PDE10A: variants seen among roughly 807,000 people sequenced by gnomAD.
PDE10A encodes phosphodiesterase 10A, also known as cAMP and cAMP-inhibited cGMP 3',5'-cyclic phosphodiesterase 10A.
A neutral mutation model predicts 97.7 loss-of-function variants in PDE10A; 39 were observed. The observed-to-expected ratio is 0.40, with a 90% CI of 0.31 to 0.52. The LOEUF (loss-of-function observed/expected upper bound fraction) is 0.52, where lower values mean the gene tolerates loss of function less well. Ranked by LOEUF, PDE10A falls within the 20% of genes least tolerant of loss-of-function variation. The probability of loss-of-function intolerance (pLI) is 0.56; values close to 1 mark genes in which losing one functional copy is unlikely to be tolerated. For synonymous variants in PDE10A, 371 were observed against 376.8 expected (o/e 0.98, Z 0.18); for missense variants, 731 against 1,047.8 (o/e 0.70, Z 4.17).
chr6:165,826,373 T>TC (rs1382360831), intron 1 of PDE10A, among the ~76,000 whole-genome samples: 2 of 131,634 alleles, frequency 1.5e-5, no homozygotes, highest in African/African-American at 5.1e-5. Flanking sequence ...TGTCCTTGCA[T>TC]CCCTCTGTCC....
chr6:165,506,021 G>T (rs1781170302), intron 2 of PDE10A, among the ~76,000 whole-genome samples: 1 of 152,024 alleles, frequency 6.6e-6, no homozygotes, highest in African/African-American at 2.4e-5. Context: ...ACTCTACACT[G>T]CCTCCACTCA....
intron 1 of PDE10A, among the ~76,000 whole-genome samples, chr6:165,742,690 G>A (rs922480504): frequency 6.6e-6 from 1 of 152,244 alleles, no homozygotes; most frequent in Non-Finnish European, 1.5e-5. Flanking sequence ...AGGTGAGCAC[G>A]ACAGTTCTCA....
intron 17 of PDE10A, among the ~76,000 whole-genome samples, chr6:165,381,281 G>T (rs1784906768): frequency 6.6e-6 from 1 of 152,114 alleles, no homozygotes; most frequent in Non-Finnish European, 1.5e-5. Flanking sequence ...CTGTCCCAAA[G>T]CAAGTTAAGA....
intron 1 of PDE10A, among the ~76,000 whole-genome samples, chr6:165,974,544 G>A (rs1232808531): frequency 6.6e-6 from 1 of 152,202 alleles, no homozygotes; most frequent in African/African-American, 2.4e-5. Flanking sequence ...GGGAGTTCTG[G>A]AAGAGAAGAT....
intron 1 of PDE10A, among the ~76,000 whole-genome samples, chr6:165,770,311 TA>T (rs199644411): frequency 1.1e-4 from 17 of 150,654 alleles, no homozygotes; most frequent in African/African-American, 2.7e-4. Flanking sequence ...AACATCTTTT[TA>T]AAAAAAAAGA....
chr6:165,457,478 A>T (rs1335697096), intron 3 of PDE10A, among the ~76,000 whole-genome samples: 1 of 152,208 alleles, frequency 6.6e-6, no homozygotes, highest in Non-Finnish European at 1.5e-5. Context: ...CACAAAGATA[A>T]GACCTGAACG....
rs190362728 is a variant in PDE10A at position 165,467,035 on chromosome 6, T to C, written c.1023+15280A>G. Among the ~76,000 whole-genome samples the C allele has an allele frequency of 2.4e-3, 369 of 152,274 alleles. 1 individual carries two copies. Among genetic ancestry groups the C allele is most frequent in the African/African-American group, 7.7e-3 (322 of 41,572 alleles). ...ATTGCTAATATGGAGAAAGATTTGG[T>C]TGTCTGGATAGAAGATCAAACCAAC... is the stretch of plus-strand genomic sequence containing the variant. On this transcript the variant is annotated intron_variant, in intron 3 of 21. Coordinates refer to ENST00000539869, the MANE Select transcript of PDE10A (RefSeq NM_001385079.1).
chr6:165,854,684 G>T (rs1036284164), intron 1 of PDE10A, among the ~76,000 whole-genome samples: 3 of 152,198 alleles, frequency 2.0e-5, no homozygotes, highest in African/African-American at 7.2e-5. Flanking sequence ...TCTGAGGAGC[G>T]TAGGCCAAGC....
rs767332166 is a variant in PDE10A at position 165,943,341 on chromosome 6, G to GA, written c.-615+44187dup. 3.0e-4 allele frequency among the ~76,000 whole-genome samples: 31 copies of GA among 104,964 alleles called. 4 individuals carry two copies. Among genetic ancestry groups the GA allele is most frequent in the African/African-American group, 1.1e-3 (21 of 18,838 alleles). The allele number at this position is 104,964 out of a possible 152,430, so 68.9% of individuals were successfully genotyped here. ...AAGGAAAGAAAGAAAAAGAAAGAAA[G>GA]AAAAGAGAAAGAAAGAAAGAGAAAG... On this transcript the variant is annotated intron_variant, in intron 1 of 19. Coordinates refer to the PDE10A transcript ENST00000366882.
chr6:165,494,270 A>C (rs1780393413), intron 2 of PDE10A, among the ~76,000 whole-genome samples: 1 of 152,126 alleles, frequency 6.6e-6, no homozygotes, highest in African/African-American at 2.4e-5. Flanking sequence ...CGATTCCTTA[A>C]AGAACTAAAA....
chr6:165,814,369 G>A (rs1163059925), intron 1 of PDE10A, among the ~76,000 whole-genome samples: 1 of 152,102 alleles, frequency 6.6e-6, no homozygotes, highest in African/African-American at 2.4e-5. Flanking sequence ...CTCCACACAG[G>A]GCCATTATGA....
intron 1 of PDE10A, among the ~76,000 whole-genome samples, chr6:165,547,101 A>T (rs982148767): frequency 1.3e-5 from 2 of 152,170 alleles, no homozygotes; most frequent in Non-Finnish European, 2.9e-5. Context: ...TAAATCGCAC[A>T]GACAGACAAA....
intron 1 of PDE10A, among the ~76,000 whole-genome samples, chr6:165,814,978 T>C (rs1200153484): frequency 6.6e-6 from 1 of 152,116 alleles, no homozygotes; most frequent in African/African-American, 2.4e-5. Context: ...ACAATGAAAG[T>C]GGACTCTCTA....
chr6:165,734,164 G>A (rs1459744141), intron 1 of PDE10A, among the ~76,000 whole-genome samples: 2 of 152,164 alleles, frequency 1.3e-5, no homozygotes, highest in African/African-American at 4.8e-5. Context: ...TAAAGAAAAA[G>A]TGTTGATAAA....
At chr6:165,688,747 T>C (rs543390399) in intron 1 of PDE10A, among the ~76,000 whole-genome samples, 119 of 152,188 alleles carry the variant, frequency 7.8e-4, no homozygotes, top group Non-Finnish European at 1.5e-3. Flanking sequence ...CCAAACTTTA[T>C]AGGCATTGTA....
chr6:165,376,421 T>C (rs9459404), intron 18 of PDE10A, among the ~76,000 whole-genome samples: 12,212 of 152,326 alleles, frequency 0.08, 555 homozygotes, highest in Middle Eastern at 0.2. Flanking sequence ...ATGGTTGAAA[T>C]GTCAGCAAAG....
At chr6:165,533,597 G>A (rs913661679) in intron 2 of PDE10A, among the ~76,000 whole-genome samples, 3 of 151,934 alleles carry the variant, frequency 2.0e-5, no homozygotes, top group African/African-American at 7.2e-5. Context: ...CTTGCTCATT[G>A]GCATACTAAA....
At chr6:165,624,976 A>G (rs1201006817) in intron 1 of PDE10A, among the ~76,000 whole-genome samples, 1 of 152,198 alleles carries the variant, frequency 6.6e-6, no homozygotes, top group Non-Finnish European at 1.5e-5. Flanking sequence ...CTGGAGGAAG[A>G]GTTTGCTATG....
chr6:165,892,449 G>A lies in PDE10A; in HGVS notation c.-615+95080C>T, dbSNP rs569684297. Reference sequence around the variant, plus strand: ...TGCCCTCAGTGGCAAGAAAAGCCAAGGGAATGCCGAGCCTGGCCACCATGT... The same window carrying A: ...TGCCCTCAGTGGCAAGAAAAGCCAAAGGAATGCCGAGCCTGGCCACCATGT... On this transcript the variant is annotated intron_variant, in intron 1 of 19. Transcript: ENST00000366882. Among the ~76,000 whole-genome samples the A allele has an allele frequency of 1.2e-4, 18 of 152,370 alleles. No homozygotes were observed. The South Asian group carries it at 2.1e-3, about 18-fold the overall frequency.
Sources: allele counts gnomAD v4.1 joint callset (sites outside exome capture counted in the v4.1 genomes callset), GRCh38; gene constraint gnomAD v4.1.1; transcripts MANE v1.5; gene names NCBI Gene and HGNC (gene_info 2026-07-23, HGNC 2026-07-21).